Variants in TTC23 observed in about 807,000 individuals in gnomAD.
The protein encoded by TTC23 is tetratricopeptide repeat protein 23.
In TTC23, 58 loss-of-function variants were observed where a neutral mutation model predicts 55.1. The observed-to-expected ratio is 1.05, with a 90% CI of 0.85 to 1.31. TTC23 has a LOEUF of 1.31. TTC23 is among the 50% of genes most tolerant of loss of function. The pLI, the probability that TTC23 is intolerant of heterozygous loss-of-function variation, is 0.00. For synonymous variants in TTC23, 203 were observed against 199.9 expected, an observed-to-expected ratio of 1.02 and a Z score of -0.13; for missense variants, 516 against 534.4, an observed-to-expected ratio of 0.97 and a Z score of 0.34.
intron 9 of TTC23, among the ~76,000 whole-genome samples, chr15:99,187,698 C>G (rs186457518): frequency 1.1e-3 from 163 of 152,032 alleles, no homozygotes; most frequent in African/African-American, 3.6e-3. Flanking sequence ...AGCCATTTCT[C>G]CCATGAAGAT....
chr15:99,204,632 G>GTTTTTTTTTTTT (rs56890685), intron 8 of TTC23, among the ~76,000 whole-genome samples: 1,029 of 60,832 alleles, frequency 0.017, 238 homozygotes, highest in Admixed American at 0.027. Flanking sequence ...TAGATTTAAG[G>GTTTTTTTTTTTT]TTTTTTTTTT....
chr15:99,190,547 A>G (rs2075160139), intron 9 of TTC23, among the ~76,000 whole-genome samples: 1 of 152,186 alleles, frequency 6.6e-6, no homozygotes, highest in Non-Finnish European at 1.5e-5. Context: ...ATCTCTGAGT[A>G]TATGTGGCTG....
intron 11 of TTC23, chr15:99,160,982 C>A: frequency 7.2e-6 from 1 of 138,744 alleles, no homozygotes; most frequent in African/African-American, 2.8e-5. Context: ...CACTGCACTC[C>A]AGCTTGGGTG....
chr15:99,219,447 T>C (rs2077734132), intron 6 of TTC23, among the ~76,000 whole-genome samples: 1 of 152,174 alleles, frequency 6.6e-6, no homozygotes, highest in Non-Finnish European at 1.5e-5. Context: ...CTTAATGAAA[T>C]ACTAAAAATT....
intron 5 of TTC23, among the ~76,000 whole-genome samples, chr15:99,225,683 T>C (rs1057230234): frequency 6.6e-6 from 1 of 152,154 alleles, no homozygotes. Flanking sequence ...AACAAACAAA[T>C]GTTGAAATAA....
chr15:99,219,000 A>C lies in TTC23; in HGVS notation c.353T>G (p.Leu118Arg). 1 of 1,614,224 alleles carries C rather than the reference A, an allele frequency of 6.2e-7. No individual in the cohort carries two copies. The highest frequency in any genetic ancestry group is 8.5e-7 in the Non-Finnish European group (1 of 1,180,026). ...ATAGGGAGGCACAATGGAGTTGGCGAGGATTTGTCTGGCTTTTTCTGCATG... is the reference window on the plus strand; with the variant it reads ...ATAGGGAGGCACAATGGAGTTGGCGCGGATTTGTCTGGCTTTTTCTGCATG... ...KQHAEKARQI[L>R]ANSIVPPYSE... The change falls in exon 7 of 14, where the codon CTC becomes CGC. Residue 118 changes from leucine (L) to arginine (R), a missense_variant. Physicochemically the swap from Leu to Arg is moderately radical, Grantham distance 102. Transcript: ENST00000394132.
chr15:99,188,074 C>G (rs2074892335), intron 9 of TTC23, among the ~76,000 whole-genome samples: 1 of 151,638 alleles, frequency 6.6e-6, no homozygotes, highest in Non-Finnish European at 1.5e-5. Context: ...CATAATAGCC[C>G]AAAACTGGAA....
chr15:99,167,914 C>CA (rs1268788810), intron 10 of TTC23, among the ~76,000 whole-genome samples: 1 of 152,198 alleles, frequency 6.6e-6, no homozygotes, highest in African/African-American at 2.4e-5. Flanking sequence ...TGGAAAGTCC[C>CA]AAATCATAGC....
At chr15:99,208,172 A>G (rs1318529691) in intron 8 of TTC23, among the ~76,000 whole-genome samples, 1 of 152,196 alleles carries the variant, frequency 6.6e-6, no homozygotes. Flanking sequence ...TGGTAGAGAT[A>G]TATCTCAAAA....
At chr15:99,140,527 A>G (rs2068108968) in intron 12 of TTC23, 1 of 151,882 alleles carries the variant, frequency 6.6e-6, no homozygotes, top group Admixed American at 6.6e-5. Context: ...CCGCCACCAC[A>G]CTCAGCTAAT....
At chr15:99,223,161 A>G (rs2078094700) in intron 5 of TTC23, among the ~76,000 whole-genome samples, 1 of 152,164 alleles carries the variant, frequency 6.6e-6, no homozygotes, top group Non-Finnish European at 1.5e-5. Context: ...CCACAGTCTA[A>G]AGGAACTGGT....
rs569348118 is a variant in TTC23 at position 99,159,884 on chromosome 15, A to C, written c.993+1856T>G. 4 of 152,534 alleles carry C rather than the reference A, an allele frequency of 2.6e-5. No homozygotes were observed. In the South Asian group the frequency reaches 8.3e-4, roughly 32 times the overall value. 9.4% of individuals were successfully genotyped at this position (152,534 alleles called of 1,614,324 possible). A position where few individuals can be genotyped will look rare whatever the true frequency, so the allele number is the denominator to read the frequency against. On this transcript the variant is annotated intron_variant, in intron 11 of 13. Coordinates refer to ENST00000394132, the MANE Select transcript of TTC23 (RefSeq NM_001288615.3). ...GGAACTTGTTAGAGCGGTCCAGGCA[A>C]GAGATGATGAGTGGCAGGACTAAAG... is the stretch of plus-strand genomic sequence containing the variant.
chr15:99,153,751 T>C (rs2070162689), intron 12 of TTC23, among the ~76,000 whole-genome samples: 1 of 151,868 alleles, frequency 6.6e-6, no homozygotes, highest in South Asian at 2.1e-4. Flanking sequence ...AGGACAGAAA[T>C]AATAAAGATA....
chr15:99,238,596 A>G (rs2079517623), intron 3 of TTC23, among the ~76,000 whole-genome samples: 1 of 152,218 alleles, frequency 6.6e-6, no homozygotes, highest in Admixed American at 6.5e-5. Context: ...AGTGAAATAC[A>G]TGCATGGCTA....
At chr15:99,141,578 A>T (rs1190371280) in intron 12 of TTC23, among the ~76,000 whole-genome samples, 2 of 152,156 alleles carry the variant, frequency 1.3e-5, no homozygotes. Context: ...TAAAAATCGG[A>T]TGAATTGTGC....
chr15:99,173,790 G>A (rs1478134592), intron 10 of TTC23, among the ~76,000 whole-genome samples: 2 of 152,142 alleles, frequency 1.3e-5, no homozygotes, highest in African/African-American at 4.8e-5. Flanking sequence ...ACAGCCATCA[G>A]TTAGCTGCCA....
intron 9 of TTC23, among the ~76,000 whole-genome samples, chr15:99,190,907 G>A (rs1338223484): frequency 2.6e-5 from 4 of 152,044 alleles, no homozygotes; most frequent in Admixed American, 6.5e-5. Context: ...TCAGCCACCC[G>A]AGTAGCTGAG....
At chr15:99,189,407 T>C (rs550516624) in intron 9 of TTC23, among the ~76,000 whole-genome samples, 13 of 152,312 alleles carry the variant, frequency 8.5e-5, no homozygotes, top group Non-Finnish European at 1.8e-4. Context: ...GGAAAATTTA[T>C]GTGAGAAGCA....
chr15:99,224,562 A>T (rs1025858099), intron 5 of TTC23, among the ~76,000 whole-genome samples: 4 of 152,198 alleles, frequency 2.6e-5, no homozygotes, highest in Non-Finnish European at 5.9e-5. Flanking sequence ...GCTGTTTGTA[A>T]ATTTCTTACT....
Sources: gnomAD v4.1 joint callset for allele counts (sites outside exome capture counted in the v4.1 genomes callset) on GRCh38, gnomAD v4.1.1 for gene constraint, MANE v1.5 for transcripts, NCBI Gene and HGNC (gene_info 2026-07-23, HGNC 2026-07-21) for gene names.